Variants in OPHN1 observed in about 807,000 individuals in gnomAD.
The protein encoded by OPHN1 is oligophrenin-1.
A neutral mutation model predicts 60.7 loss-of-function variants in OPHN1; 11 were observed. That is an observed-to-expected ratio of 0.18 (90% CI 0.11 to 0.30). The LOEUF is 0.30. Among genes scored for constraint, OPHN1 ranks in the 10% least tolerant of loss-of-function variants. The pLI is 1.00. For missense variants in OPHN1, 449 were observed against 611.0 expected, an observed-to-expected ratio of 0.73 and a Z score of 2.80; for synonymous variants, 226 against 222.6, an observed-to-expected ratio of 1.02 and a Z score of -0.14.
intron 2 of OPHN1, among the ~76,000 whole-genome samples, chrX:68,394,716 G>A (rs1303787106): frequency 2.7e-5 from 3 of 110,440 alleles, no homozygotes; most frequent in Admixed American, 9.7e-5. Flanking sequence ...GCACATTCTC[G>A]GCTCACTGCA....
chrX:68,183,825 T>C (rs1479977119), intron 15 of OPHN1, among the ~76,000 whole-genome samples: 1 of 112,681 alleles, frequency 8.9e-6, no homozygotes, highest in Non-Finnish European at 1.9e-5. Flanking sequence ...ATCTTGTCTT[T>C]TGTTACAAGG....
chrX:68,078,182 T>C (rs1234547068), intron 19 of OPHN1, among the ~76,000 whole-genome samples: 2 of 111,278 alleles, frequency 1.8e-5, no homozygotes, highest in Non-Finnish European at 3.8e-5. Context: ...TGTGAAAATA[T>C]TTATTGTCAC....
chrX:68,316,672 G>A (rs2078200875), intron 2 of OPHN1, among the ~76,000 whole-genome samples: 1 of 111,097 alleles, frequency 9.0e-6, no homozygotes, highest in Non-Finnish European at 1.9e-5. Flanking sequence ...AAGTCCTTAT[G>A]ACACCTCCAC....
At chrX:68,351,851 C>T (rs2078413033) in intron 2 of OPHN1, among the ~76,000 whole-genome samples, 1 of 104,034 alleles carries the variant, frequency 9.6e-6, no homozygotes, top group Non-Finnish European at 2.0e-5. Context: ...TGCCTGCCAC[C>T]ACGCCTGGCT....
chrX:68,383,450 C>T (rs944827182), intron 2 of OPHN1, among the ~76,000 whole-genome samples: 7 of 107,614 alleles, frequency 6.5e-5, no homozygotes, highest in African/African-American at 1.7e-4. Context: ...TAAGAAAATT[C>T]GCCAGGCATG....
intron 9 of OPHN1, among the ~76,000 whole-genome samples, chrX:68,208,517 T>A (rs1477666023): frequency 8.9e-6 from 1 of 112,262 alleles, no homozygotes; most frequent in Non-Finnish European, 1.9e-5. Flanking sequence ...ATTATAATTA[T>A]TGATATACTT....
intron 15 of OPHN1, among the ~76,000 whole-genome samples, chrX:68,171,576 A>G (rs763511508): frequency 5.5e-4 from 61 of 110,666 alleles, no homozygotes; most frequent in Non-Finnish European, 9.3e-4. Context: ...TCTCTACTAA[A>G]AATACAAAAC....
intron 2 of OPHN1, among the ~76,000 whole-genome samples, chrX:68,432,498 T>C (rs774581589): frequency 8.9e-6 from 1 of 111,869 alleles, no homozygotes; most frequent in East Asian, 2.8e-4. Flanking sequence ...GCTGGGGCAG[T>C]TCCTTGGTCA....
intron 18 of OPHN1, among the ~76,000 whole-genome samples, chrX:68,100,465 G>A (rs1336994265): frequency 1.8e-5 from 2 of 111,666 alleles, no homozygotes; most frequent in Admixed American, 1.9e-4. Context: ...ATAATATGAT[G>A]TCTTAGATTT....
chrX:68,292,458 G>A (rs1602302526), intron 3 of OPHN1, among the ~76,000 whole-genome samples: 2 of 111,273 alleles, frequency 1.8e-5, no homozygotes, highest in South Asian at 7.5e-4. Context: ...GTATTTTTCA[G>A]TTGCATTATT....
chrX:68,160,044 T>C (rs1374113594), intron 15 of OPHN1, among the ~76,000 whole-genome samples: 2 of 107,387 alleles, frequency 1.9e-5, no homozygotes, highest in African/African-American at 6.7e-5. Context: ...AGCAAACACA[T>C]GTTAGATTTA....
intron 15 of OPHN1, among the ~76,000 whole-genome samples, chrX:68,133,667 G>A (rs1209090373): frequency 8.9e-6 from 1 of 112,090 alleles, no homozygotes; most frequent in Non-Finnish European, 1.9e-5. Flanking sequence ...GTGCCCTACT[G>A]TGATAGATTT....
chrX:68,296,474 G>A (rs1337822779), intron 3 of OPHN1, among the ~76,000 whole-genome samples: 1 of 109,527 alleles, frequency 9.1e-6, no homozygotes, highest in Non-Finnish European at 1.9e-5. Context: ...CCTGGCCAAC[G>A]TGGTGAAACC....
At chrX:68,252,029 GC>G (rs1569258214) in intron 5 of OPHN1, among the ~76,000 whole-genome samples, 1 of 111,718 alleles carries the variant, frequency 9.0e-6, no homozygotes, top group African/African-American at 3.3e-5. Flanking sequence ...TGGTAGGCTG[GC>G]TTTGAGCCTA....
At chrX:68,367,123 G>C (rs2078502991) in intron 2 of OPHN1, among the ~76,000 whole-genome samples, 2 of 110,593 alleles carry the variant, frequency 1.8e-5, no homozygotes, top group South Asian at 3.8e-4. Context: ...ACTTTGGGAG[G>C]CTGAAGCAGG....
intron 15 of OPHN1, among the ~76,000 whole-genome samples, chrX:68,166,246 G>A (rs1480836334): frequency 8.9e-6 from 1 of 112,245 alleles, no homozygotes; most frequent in East Asian, 2.8e-4. Flanking sequence ...CTAAAAATAA[G>A]CCATTGGCCA....
At position 68,091,994 on chromosome X, in the gene OPHN1, T is replaced by TA. The variant is rs772148183; in HGVS notation, c.1686+4875dup. On this transcript the variant is annotated intron_variant, in intron 19 of 24. Coordinates refer to ENST00000355520, the MANE Select transcript of OPHN1 (RefSeq NM_002547.3). ...AATTAGAAAAGATCATTCAAGTTGT[T>TA]AAAAAAAAATTTTAAGCAAGACTTA... Among the ~76,000 whole-genome samples the TA allele has an allele frequency of 4.5e-5, 5 of 110,600 alleles. No homozygotes were observed. In the South Asian group the frequency reaches 1.1e-3, roughly 25 times the overall value.
chrX:68,137,615 T>C (rs2077226108), intron 15 of OPHN1, among the ~76,000 whole-genome samples: 1 of 111,800 alleles, frequency 8.9e-6, no homozygotes, highest in East Asian at 2.8e-4. Flanking sequence ...GGACATCTTG[T>C]AAAGGATTAC....
intron 3 of OPHN1, among the ~76,000 whole-genome samples, chrX:68,295,444 T>C (rs963172383): frequency 3.6e-5 from 4 of 112,127 alleles, no homozygotes; most frequent in African/African-American, 1.3e-4. Flanking sequence ...AGGTGGATTA[T>C]ACTCCCCCAC....
Sources: allele counts gnomAD v4.1 joint callset (sites outside exome capture counted in the v4.1 genomes callset), GRCh38; gene constraint gnomAD v4.1.1; transcripts MANE v1.5; gene names NCBI Gene and HGNC (gene_info 2026-07-23, HGNC 2026-07-21).